The following ROBO1 variants were observed in gnomAD, a reference collection of about 807,000 sequenced individuals.
ROBO1 encodes roundabout homolog 1.
In ROBO1, 149 loss-of-function variants were observed where a neutral mutation model predicts 195.9. The ratio of observed to expected loss-of-function variants is 0.76; its 90% CI spans 0.67 to 0.87. The LOEUF is 0.87. ROBO1 is among the 40% of genes least tolerant of loss of function. The probability of loss-of-function intolerance (pLI) is 0.00; values close to 1 mark genes in which losing one functional copy is unlikely to be tolerated. For synonymous variants in ROBO1, 816 were observed against 733.2 expected (o/e 1.11, Z -1.82); for missense variants, 1,933 against 2,068.3 (o/e 0.93, Z 1.27).
chr3:79,530,612 A>T (rs971311480), intron 2 of ROBO1, among the ~76,000 whole-genome samples: 5 of 152,190 alleles, frequency 3.3e-5, no homozygotes, highest in East Asian at 1.9e-4. Flanking sequence ...ATCCATTGTT[A>T]AAAAACCTAG....
intron 1 of ROBO1, among the ~76,000 whole-genome samples, chr3:79,725,495 G>A (rs1262888456): frequency 2.0e-5 from 3 of 151,994 alleles, no homozygotes; most frequent in Admixed American, 6.6e-5. Context: ...CAAAGTGCTG[G>A]GATTACAGGC....
At chr3:78,777,585 G>C (rs1237756633) in intron 4 of ROBO1, among the ~76,000 whole-genome samples, 2 of 152,144 alleles carry the variant, frequency 1.3e-5, no homozygotes, top group Non-Finnish European at 2.9e-5. Context: ...CACACCCACT[G>C]TTTGAGCACA....
chr3:79,660,093 A>G (rs574429746), intron 1 of ROBO1, among the ~76,000 whole-genome samples: 4 of 152,098 alleles, frequency 2.6e-5, no homozygotes, highest in African/African-American at 9.6e-5. Context: ...AGCTAGGCTC[A>G]TGGTTTCAGG....
intron 9 of ROBO1, 82 bp downstream of exon 9, chr3:78,688,566 G>C (rs2081100494): frequency 7.3e-7 from 1 of 1,377,188 alleles, no homozygotes; most frequent in East Asian, 2.6e-5. Context: ...GCATGACTAA[G>C]TAATATGTTG....
intron 1 of ROBO1, among the ~76,000 whole-genome samples, chr3:79,691,487 C>G (rs1259112932): frequency 1.3e-5 from 2 of 151,172 alleles, no homozygotes; most frequent in Admixed American, 1.3e-4. Context: ...TATGTTTAGC[C>G]ATGAGATATA....
At chr3:78,882,828 T>C (rs1009245254) in intron 4 of ROBO1, among the ~76,000 whole-genome samples, 4 of 151,394 alleles carry the variant, frequency 2.6e-5, no homozygotes, top group African/African-American at 7.3e-5. Context: ...TTTTTTTTTT[T>C]CTGAGCCTGA....
intron 3 of ROBO1, among the ~76,000 whole-genome samples, chr3:78,995,951 C>T (rs2077355205): frequency 6.6e-6 from 1 of 151,924 alleles, no homozygotes; most frequent in African/African-American, 2.4e-5. Context: ...ACTGGCAAAC[C>T]AGAGAACATG....
intron 2 of ROBO1, among the ~76,000 whole-genome samples, chr3:79,381,364 A>G (rs1389503157): frequency 9.7e-6 from 1 of 103,516 alleles, no homozygotes; most frequent in East Asian, 2.6e-4. Flanking sequence ...TCAAAAAAAA[A>G]AAAAAAAAAA....
chr3:78,896,777 C>T (rs1388556184), intron 4 of ROBO1, among the ~76,000 whole-genome samples: 4 of 150,756 alleles, frequency 2.7e-5, no homozygotes, highest in African/African-American at 4.9e-5. Flanking sequence ...TTTGAAAATG[C>T]TTTTCTAGCC....
At chr3:79,082,341 C>A (rs986406491) in intron 3 of ROBO1, among the ~76,000 whole-genome samples, 3 of 151,936 alleles carry the variant, frequency 2.0e-5, no homozygotes, top group African/African-American at 7.3e-5. Context: ...ATTTATGATA[C>A]TCATTAAAGG....
intron 2 of ROBO1, among the ~76,000 whole-genome samples, chr3:79,373,250 T>A (rs535817006): frequency 3.3e-5 from 5 of 152,336 alleles, no homozygotes; most frequent in Admixed American, 1.3e-4. Flanking sequence ...ATGCTTGAAG[T>A]ATCTATTTCA....
intron 2 of ROBO1, among the ~76,000 whole-genome samples, chr3:79,203,963 T>C (rs1179764366): frequency 6.6e-6 from 1 of 152,228 alleles, no homozygotes; most frequent in African/African-American, 2.4e-5. Context: ...CCTTTTATTT[T>C]CATTTCTTAT....
At chr3:78,762,409 G>C (rs1476530835) in intron 4 of ROBO1, among the ~76,000 whole-genome samples, 2 of 151,892 alleles carry the variant, frequency 1.3e-5, no homozygotes, top group African/African-American at 2.4e-5. Context: ...ACACATTGTT[G>C]CTCCTAATTT....
intron 1 of ROBO1, among the ~76,000 whole-genome samples, chr3:79,752,735 G>C (rs1704187127): frequency 6.6e-6 from 1 of 152,122 alleles, no homozygotes; most frequent in Non-Finnish European, 1.5e-5. Flanking sequence ...ATGGAAAATA[G>C]GTAGGGAGTC....
intron 2 of ROBO1, among the ~76,000 whole-genome samples, chr3:79,191,364 G>A (rs1056432318): frequency 6.6e-6 from 1 of 151,374 alleles, no homozygotes; most frequent in Non-Finnish European, 1.5e-5. Context: ...AATGCACTGT[G>A]ACATCAAGAT....
At chr3:79,333,059 C>T (rs958489401) in intron 2 of ROBO1, among the ~76,000 whole-genome samples, 2 of 151,758 alleles carry the variant, frequency 1.3e-5, no homozygotes, top group Non-Finnish European at 2.9e-5. Flanking sequence ...AAAAATTAGC[C>T]AGGGGGGGTA....
intron 3 of ROBO1, among the ~76,000 whole-genome samples, chr3:79,100,943 G>C (rs2079664638): frequency 6.6e-6 from 1 of 151,758 alleles, no homozygotes; most frequent in South Asian, 2.1e-4. Flanking sequence ...TTTGAAAGCT[G>C]GTTGGCTAAA....
chr3:79,153,674 T>C (rs1026244127), intron 2 of ROBO1, among the ~76,000 whole-genome samples: 1 of 149,704 alleles, frequency 6.7e-6, no homozygotes, highest in African/African-American at 2.4e-5. Context: ...GTCTGCTTAA[T>C]AGTACTGTGA....
intron 2 of ROBO1, among the ~76,000 whole-genome samples, chr3:79,528,157 C>T (rs1941511927): frequency 6.6e-6 from 1 of 152,078 alleles, no homozygotes; most frequent in African/African-American, 2.4e-5. Context: ...GTGTAAAAAG[C>T]ATTTTTGTCA....
Sources: allele counts gnomAD v4.1 joint callset (sites outside exome capture counted in the v4.1 genomes callset), GRCh38; gene constraint gnomAD v4.1.1; transcripts MANE v1.5; gene names NCBI Gene and HGNC (gene_info 2026-07-23, HGNC 2026-07-21).